The following CADM2 variants were observed in gnomAD, a reference collection of about 807,000 sequenced individuals.
CADM2 encodes the protein cell adhesion molecule 2.
Under a neutral mutation model 49.8 loss-of-function variants are expected in CADM2, and 12 were observed. That is an observed-to-expected ratio of 0.24 (90% CI 0.15 to 0.39). The LOEUF (loss-of-function observed/expected upper bound fraction) is 0.39, where lower values mean the gene tolerates loss of function less well. CADM2 is among the 10% of genes least tolerant of loss of function. The pLI, the probability that CADM2 is intolerant of heterozygous loss-of-function variation, is 1.00. For missense variants in CADM2, 378 were observed against 492.3 expected (o/e 0.77, Z 2.20); for synonymous variants, 214 against 175.4 (o/e 1.22, Z -1.74).
intron 5 of CADM2, among the ~76,000 whole-genome samples, chr3:85,894,483 A>T (rs922531430): frequency 6.6e-6 from 1 of 152,046 alleles, no homozygotes; most frequent in African/African-American, 2.4e-5. Flanking sequence ...GTACCCTAAA[A>T]CTTAAAGTAT....
chr3:85,759,711 AT>A (rs1222847008), intron 2 of CADM2, among the ~76,000 whole-genome samples: 1 of 152,128 alleles, frequency 6.6e-6, no homozygotes, highest in Non-Finnish European at 1.5e-5. Flanking sequence ...TATAGTCTTT[AT>A]TCTGGAAGTC....
intron 2 of CADM2, among the ~76,000 whole-genome samples, chr3:85,733,962 A>G (rs1259033553): frequency 1.3e-5 from 2 of 152,114 alleles, no homozygotes; most frequent in Non-Finnish European, 2.9e-5. Context: ...AGGTTTTGAA[A>G]CAGAAAAAAG....
chr3:85,893,771 G>GAA (rs2047410913), intron 5 of CADM2, among the ~76,000 whole-genome samples: 1 of 152,170 alleles, frequency 6.6e-6, no homozygotes, highest in African/African-American at 2.4e-5. Context: ...GGCCATCAGA[G>GAA]AAATGCAAAT....
intron 1 of CADM2, among the ~76,000 whole-genome samples, chr3:85,584,042 T>G (rs535480389): frequency 6.6e-6 from 1 of 152,190 alleles, no homozygotes; most frequent in East Asian, 1.9e-4. Context: ...TATAATGCAA[T>G]TTGTCATATT....
At chr3:85,334,302 A>G (rs2045017587) in intron 1 of CADM2, among the ~76,000 whole-genome samples, 1 of 151,628 alleles carries the variant, frequency 6.6e-6, no homozygotes, top group African/African-American at 2.4e-5. Flanking sequence ...GCAGCCTCAC[A>G]TCATTAGTGC....
intron 1 of CADM2, among the ~76,000 whole-genome samples, chr3:85,145,300 G>A (rs2039704253): frequency 6.6e-6 from 1 of 152,132 alleles, no homozygotes; most frequent in Non-Finnish European, 1.5e-5. Context: ...TTTTTGTAAA[G>A]ATTTTACAAC....
At chr3:86,045,155 T>A (rs1256455856) in intron 8 of CADM2, among the ~76,000 whole-genome samples, 1 of 151,944 alleles carries the variant, frequency 6.6e-6, no homozygotes, top group Non-Finnish European at 1.5e-5. Context: ...CATATATACA[T>A]GTGTAACTAA....
chr3:85,867,787 T>C (rs1458407480), intron 3 of CADM2, among the ~76,000 whole-genome samples: 1 of 152,100 alleles, frequency 6.6e-6, no homozygotes, highest in Non-Finnish European at 1.5e-5. Flanking sequence ...TGAATAGTGA[T>C]AAAAACAGTG....
intron 1 of CADM2, among the ~76,000 whole-genome samples, chr3:85,711,277 A>G (rs2067109730): frequency 6.6e-6 from 1 of 152,078 alleles, no homozygotes; most frequent in Admixed American, 6.5e-5. Context: ...GAAGACTTGG[A>G]ACATTCTGGA....
intron 1 of CADM2, among the ~76,000 whole-genome samples, chr3:85,629,268 C>G (rs1420075023): frequency 2.6e-5 from 4 of 151,754 alleles, no homozygotes; most frequent in African/African-American, 9.7e-5. Context: ...AGAAACATTT[C>G]TACTTCAGAA....
intron 1 of CADM2, among the ~76,000 whole-genome samples, chr3:85,371,865 A>C (rs1320319483): frequency 6.6e-6 from 1 of 151,356 alleles, no homozygotes; most frequent in Non-Finnish European, 1.5e-5. Flanking sequence ...GGTATGAGTT[A>C]TGGAGTCCTG....
chr3:85,569,046 T>C (rs2107231076), intron 1 of CADM2, among the ~76,000 whole-genome samples: 1 of 152,170 alleles, frequency 6.6e-6, no homozygotes, highest in African/African-American at 2.4e-5. Flanking sequence ...ATATCACAAC[T>C]CAGATATTGA....
chr3:85,419,833 T>C (rs1192689153), intron 1 of CADM2, among the ~76,000 whole-genome samples: 1 of 152,210 alleles, frequency 6.6e-6, no homozygotes, highest in East Asian at 1.9e-4. Context: ...GTTTTCAAAC[T>C]TTGGTGTGCT....
intron 1 of CADM2, among the ~76,000 whole-genome samples, chr3:85,016,807 A>T (rs981701612): frequency 6.6e-6 from 1 of 152,098 alleles, no homozygotes; most frequent in African/African-American, 2.4e-5. Context: ...AAAAATAAAA[A>T]GAAAAAGAAA....
intron 1 of CADM2, among the ~76,000 whole-genome samples, chr3:85,628,524 T>C (rs5023757): frequency 0.044 from 4,428 of 101,002 alleles, 237 homozygotes; most frequent in African/African-American, 0.16. Context: ...TATATATATA[T>C]ACACACATAT....
intron 1 of CADM2, among the ~76,000 whole-genome samples, chr3:85,246,410 C>T (rs917631537): frequency 1.3e-5 from 2 of 151,438 alleles, no homozygotes; most frequent in South Asian, 2.1e-4. Context: ...CTAACCTGCA[C>T]GTCATGCACA....
At chr3:84,979,600 G>A (rs994606541) in intron 1 of CADM2, among the ~76,000 whole-genome samples, 1 of 151,900 alleles carries the variant, frequency 6.6e-6, no homozygotes, top group Admixed American at 6.6e-5. Flanking sequence ...GCCTTAAGGG[G>A]GAGAGAAATA....
chr3:85,558,906 C>G (rs1201397679), intron 1 of CADM2, among the ~76,000 whole-genome samples: 1 of 151,894 alleles, frequency 6.6e-6, no homozygotes, highest in Non-Finnish European at 1.5e-5. Context: ...GTGTATAAAC[C>G]ATTGCCAAAA....
intron 7 of CADM2, among the ~76,000 whole-genome samples, chr3:85,956,503 C>G (rs538624741): frequency 6.6e-6 from 1 of 151,718 alleles, no homozygotes; most frequent in East Asian, 2.0e-4. Context: ...AAATTTGCAT[C>G]TTATGATGCT....
Sources: gnomAD v4.1 joint callset for allele counts (sites outside exome capture counted in the v4.1 genomes callset) on GRCh38, gnomAD v4.1.1 for gene constraint, MANE v1.5 for transcripts, NCBI Gene and HGNC (gene_info 2026-07-23, HGNC 2026-07-21) for gene names.